Variants in ARB2A observed in about 807,000 individuals in gnomAD.
The protein encoded by ARB2A is cotranscriptional regulator ARB2A.
the ARB2A span, among the ~76,000 whole-genome samples, chr5:94,022,705 AC>A: frequency 7.9e-4 from 120 of 152,372 alleles, no homozygotes; most frequent in Admixed American, 2.6e-3. Context: ...TGAAGTTGAC[AC>A]ATCAATTTGC....
the ARB2A span, among the ~76,000 whole-genome samples, chr5:93,710,792 G>A: frequency 3.3e-5 from 5 of 152,090 alleles, no homozygotes; most frequent in South Asian, 2.1e-4. Context: ...TTTAAATATA[G>A]CCCTTACGAT....
At chr5:93,732,701 A>G in the ARB2A span, among the ~76,000 whole-genome samples, 1 of 152,078 alleles carries the variant, frequency 6.6e-6, no homozygotes, top group Non-Finnish European at 1.5e-5. Flanking sequence ...AATGTGACTA[A>G]AAATGAATAG....
At chr5:93,857,003 C>G in the ARB2A span, among the ~76,000 whole-genome samples, 2 of 152,196 alleles carry the variant, frequency 1.3e-5, no homozygotes, top group African/African-American at 4.8e-5. Context: ...TTCTAACAGA[C>G]AGGACCCTCA....
the ARB2A span, among the ~76,000 whole-genome samples, chr5:93,771,637 T>C: frequency 6.6e-6 from 1 of 151,996 alleles, no homozygotes; most frequent in Non-Finnish European, 1.5e-5. Context: ...CATCAAAAAG[T>C]GGGCAAAGGA....
the ARB2A span, among the ~76,000 whole-genome samples, chr5:93,886,507 C>G: frequency 5.6e-4 from 85 of 151,826 alleles, no homozygotes; most frequent in African/African-American, 2.0e-3. Flanking sequence ...TACCCATAGA[C>G]AAACCACTGT....
the ARB2A span, among the ~76,000 whole-genome samples, chr5:93,889,818 A>AG: frequency 6.6e-6 from 1 of 151,472 alleles, no homozygotes; most frequent in African/African-American, 2.4e-5. Flanking sequence ...TCAGGAAAAA[A>AG]GTCATAAAAA....
chr5:94,011,638 T>C, the ARB2A span, among the ~76,000 whole-genome samples: 1 of 151,676 alleles, frequency 6.6e-6, no homozygotes, highest in African/African-American at 2.4e-5. Context: ...GCTCTACAGA[T>C]TGAGGGAAAG....
chr5:93,670,276 C>T, the ARB2A span, among the ~76,000 whole-genome samples: 10 of 152,278 alleles, frequency 6.6e-5, no homozygotes, highest in African/African-American at 2.4e-4. Context: ...GATCACTATC[C>T]AACTCAAGAC....
At chr5:93,980,031 T>C in the ARB2A span, among the ~76,000 whole-genome samples, 1 of 152,150 alleles carries the variant, frequency 6.6e-6, no homozygotes, top group Non-Finnish European at 1.5e-5. Context: ...TTGTATTTGT[T>C]GTTGCTTATT....
At chr5:94,043,658 T>C in the ARB2A span, among the ~76,000 whole-genome samples, 2 of 152,194 alleles carry the variant, frequency 1.3e-5, no homozygotes, top group Non-Finnish European at 2.9e-5. Context: ...GTTTCTGACC[T>C]GTGGCAAATA....
chr5:94,044,600 C>A, the ARB2A span, among the ~76,000 whole-genome samples: 1 of 152,098 alleles, frequency 6.6e-6, no homozygotes, highest in African/African-American at 2.4e-5. Context: ...TGAACCAGAG[C>A]AACTCCGTCT....
chr5:93,819,299 A>C, the ARB2A span, among the ~76,000 whole-genome samples: 2 of 152,012 alleles, frequency 1.3e-5, no homozygotes, highest in African/African-American at 2.4e-5. Flanking sequence ...TTGGGATAAG[A>C]GCAGTATTAG....
the ARB2A span, among the ~76,000 whole-genome samples, chr5:93,753,874 A>G: frequency 2.0e-5 from 3 of 152,150 alleles, no homozygotes; most frequent in Non-Finnish European, 4.4e-5. Context: ...TCTTTCCTCA[A>G]TAGCATGCAG....
chr5:93,892,345 G>A, the ARB2A span, among the ~76,000 whole-genome samples: 1 of 152,112 alleles, frequency 6.6e-6, no homozygotes, highest in African/African-American at 2.4e-5. Context: ...TTAAATAGAA[G>A]CCCTATATGA....
chr5:94,043,839 T>A, the ARB2A span, among the ~76,000 whole-genome samples: 1 of 152,244 alleles, frequency 6.6e-6, no homozygotes, highest in African/African-American at 2.4e-5. Flanking sequence ...TCAAAGCCAA[T>A]TTTTAAAGCC....
chr5:93,659,227 TA>T, the ARB2A span, among the ~76,000 whole-genome samples: 1 of 151,960 alleles, frequency 6.6e-6, no homozygotes, highest in African/African-American at 2.4e-5. Flanking sequence ...CATGTTATAT[TA>T]AAAAAAATCA....
At chr5:93,794,828 A>C in the ARB2A span, among the ~76,000 whole-genome samples, 79 of 152,246 alleles carry the variant, frequency 5.2e-4, no homozygotes, top group South Asian at 2.1e-3. Context: ...AAGGGAGTGA[A>C]GTGGACTCTG....
At chr5:94,084,880 T>C in the ARB2A span, among the ~76,000 whole-genome samples, 1 of 152,208 alleles carries the variant, frequency 6.6e-6, no homozygotes. Flanking sequence ...TCAAATGGTT[T>C]AAGGGTACAA....
the ARB2A span, among the ~76,000 whole-genome samples, chr5:93,781,023 T>C: frequency 1.3e-5 from 2 of 152,044 alleles, no homozygotes; most frequent in South Asian, 4.1e-4. Context: ...ACATCCTTTC[T>C]TTTTTTTATA....
Sources: gnomAD v4.1 joint callset for allele counts (sites outside exome capture counted in the v4.1 genomes callset) on GRCh38, gnomAD v4.1.1 for gene constraint, MANE v1.5 for transcripts, NCBI Gene and HGNC (gene_info 2026-07-23, HGNC 2026-07-21) for gene names.